PELI1: variants seen among roughly 807,000 people sequenced by gnomAD.
PELI1 encodes the protein pellino E3 ubiquitin protein ligase 1, also known as E3 ubiquitin-protein ligase pellino homolog 1.
A neutral mutation model predicts 41.3 loss-of-function variants in PELI1; 15 were observed. The observed-to-expected ratio is 0.36, with a 90% CI of 0.24 to 0.56. The LOEUF is 0.56. Ranked by LOEUF, PELI1 falls within the 20% of genes least tolerant of loss-of-function variation. The pLI is 0.82. For synonymous variants in PELI1, 178 were observed against 180.1 expected, an observed-to-expected ratio of 0.99 and a Z score of 0.09; for missense variants, 403 against 525.5, an observed-to-expected ratio of 0.77 and a Z score of 2.28.
intron 1 of PELI1, among the ~76,000 whole-genome samples, chr2:64,142,713 A>T (rs1356236966): frequency 6.6e-6 from 1 of 152,224 alleles, no homozygotes; most frequent in Non-Finnish European, 1.5e-5. Context: ...GTAAACTGAA[A>T]CAGAACTGAA....
intron 6 of PELI1, 45 bp downstream of exon 6, chr2:64,096,080 A>G (rs553403481): frequency 1.5e-6 from 2 of 1,309,472 alleles, no homozygotes; most frequent in African/African-American, 1.4e-5. Context: ...TACTCATCCT[A>G]TGTGTTTATT....
chr2:64,133,011 T>C (rs896806704), intron 1 of PELI1, among the ~76,000 whole-genome samples: 2 of 152,214 alleles, frequency 1.3e-5, no homozygotes, highest in Non-Finnish European at 2.9e-5. Context: ...TTTGCAAAGC[T>C]AGAACTCAGG....
At position 64,094,612 on chromosome 2, in the gene PELI1, G is replaced by A. The variant is rs1680163615; in HGVS notation, c.*90C>T. The A allele has an allele frequency of 1.2e-6, 1 of 802,774 alleles. No individual in the cohort carries two copies. Among genetic ancestry groups the A allele is most frequent in the Middle Eastern group, 2.6e-4 (1 of 3,906 alleles). 49.7% of individuals were successfully genotyped at this position (802,774 alleles called of 1,614,324 possible). A position where few individuals can be genotyped will look rare whatever the true frequency, so the allele number is the denominator to read the frequency against. ...CTTCATCTTAATGCAAATGACCAGA[G>A]CAGAAAAACTGTGACGTGGACAACA... On this transcript the variant is annotated 3_prime_UTR_variant, in exon 7 of 7. Transcript: ENST00000358912.
At chr2:64,134,616 G>C (rs1681658660) in intron 1 of PELI1, among the ~76,000 whole-genome samples, 1 of 152,048 alleles carries the variant, frequency 6.6e-6, no homozygotes, top group South Asian at 2.1e-4. Context: ...TGGATGTTTT[G>C]ATCCTTTGAT....
intron 1 of PELI1, among the ~76,000 whole-genome samples, chr2:64,127,461 T>C (rs555544761): frequency 1.1e-4 from 17 of 152,366 alleles, no homozygotes; most frequent in African/African-American, 4.1e-4. Flanking sequence ...ATCACAGTTA[T>C]GTTTTTCAAA....
Position 64,144,370 on chromosome 2 carries a change from G to A in PELI1, c.-359C>T. The A allele has an allele frequency of 6.6e-6, 1 of 152,284 alleles. No homozygotes were observed. Among genetic ancestry groups the A allele is most frequent in the Non-Finnish European group, 1.5e-5 (1 of 68,196 alleles). The allele number at this position is 152,284 out of a possible 1,614,324, so 9.4% of individuals were successfully genotyped here. A position where few individuals can be genotyped will look rare whatever the true frequency, so the allele number is the denominator to read the frequency against. On this transcript the variant is annotated 5_prime_UTR_variant, in exon 1 of 7. Coordinates refer to ENST00000358912, the MANE Select transcript of PELI1 (RefSeq NM_020651.4). ...GCTGCCGCTGCTGCTAGTGGAGGCG[G>A]CGGCGGCGCCCCCCGACGGTCCCTC...
intron 1 of PELI1, among the ~76,000 whole-genome samples, chr2:64,140,787 CA>C (rs377041268): frequency 1.7e-4 from 8 of 46,340 alleles, no homozygotes; most frequent in Admixed American, 2.8e-4. Flanking sequence ...AGACAACATG[CA>C]AAAAAAAAAA....
intron 1 of PELI1, among the ~76,000 whole-genome samples, chr2:64,130,510 A>C (rs1377333688): frequency 6.6e-6 from 1 of 152,186 alleles, no homozygotes; most frequent in Non-Finnish European, 1.5e-5. Flanking sequence ...TTTATCTGCA[A>C]TTCTTTTATG....
Position 64,135,058 on chromosome 2 carries a change from G to C in PELI1, c.-70+9023C>G, listed in dbSNP as rs544148967. Among the ~76,000 whole-genome samples, 107 of 152,138 alleles carry C rather than the reference G, an allele frequency of 7.0e-4. 2 individuals carry two copies. In the South Asian group the frequency reaches 0.022, roughly 31 times the overall value. On this transcript the variant is annotated intron_variant, in intron 1 of 6. Coordinates refer to ENST00000358912, the MANE Select transcript of PELI1 (RefSeq NM_020651.4). ...ACTGTCAAAGAGATGCTCAACAGAA[G>C]TACAGTTTTCCCCTAAGGTCATATA...
chr2:64,094,190 G>C lies in PELI1; in HGVS notation c.*512C>G, dbSNP rs1000038091. ...CCTAACTTTGCAAATCCTTGAGCTA[G>C]GTTGCTCACTAAGCTACCATTCACA... On this transcript the variant is annotated 3_prime_UTR_variant, in exon 7 of 7. Transcript: ENST00000358912. 6.5e-6 allele frequency: 1 copy of C among 152,790 alleles called. No individual in the cohort carries two copies. Among genetic ancestry groups the C allele is most frequent in the Non-Finnish European group, 1.5e-5 (1 of 68,228 alleles). 9.5% of individuals were successfully genotyped at this position (152,790 alleles called of 1,614,324 possible). A position where few individuals can be genotyped will look rare whatever the true frequency, so the allele number is the denominator to read the frequency against.
chr2:64,127,068 CTT>C (rs909304639), intron 1 of PELI1, among the ~76,000 whole-genome samples: 2 of 152,136 alleles, frequency 1.3e-5, no homozygotes, highest in Non-Finnish European at 2.9e-5. Flanking sequence ...AGAAAAATCT[CTT>C]TATACTCTTA....
chr2:64,106,321 T>C (rs1179441193), intron 2 of PELI1: 1 of 152,088 alleles, frequency 6.6e-6, no homozygotes, highest in East Asian at 1.9e-4. Context: ...AGAAGAAAAA[T>C]TATCTGCATT....
chr2:64,127,691 T>C (rs940797396), intron 1 of PELI1, among the ~76,000 whole-genome samples: 4 of 152,154 alleles, frequency 2.6e-5, no homozygotes, highest in Non-Finnish European at 4.4e-5. Flanking sequence ...ACTGTGACAA[T>C]TGCAATTTTG....
At chr2:64,096,344 C>A (rs544570233) in intron 5 of PELI1, 31 bp from the exon 6 acceptor site, 38 of 1,593,362 alleles carry the variant, frequency 2.4e-5, no homozygotes, top group Middle Eastern at 1.7e-4. Flanking sequence ...GAGCTTCCAA[C>A]TTGTAACTTG....
At chr2:64,097,163 G>A in intron 4 of PELI1, among the ~76,000 whole-genome samples, 1 of 152,136 alleles carries the variant, frequency 6.6e-6, no homozygotes, top group East Asian at 1.9e-4. Flanking sequence ...GAGGTCTTAT[G>A]TATACTTCAT....
chr2:64,117,641 A>G (rs1200924802), intron 1 of PELI1, among the ~76,000 whole-genome samples: 4 of 152,236 alleles, frequency 2.6e-5, no homozygotes, highest in Non-Finnish European at 4.4e-5. Context: ...CCAATATTGT[A>G]GTAAAGTCGA....
chr2:64,114,326 A>G (rs1435535516), intron 1 of PELI1, among the ~76,000 whole-genome samples: 1 of 152,178 alleles, frequency 6.6e-6, no homozygotes, highest in Non-Finnish European at 1.5e-5. Context: ...AATTCATAGC[A>G]GTTTCTTGAT....
At chr2:64,131,746 G>C (rs1429708034) in intron 1 of PELI1, among the ~76,000 whole-genome samples, 1 of 151,976 alleles carries the variant, frequency 6.6e-6, no homozygotes, top group Admixed American at 6.6e-5. Flanking sequence ...TCGGCCTCAG[G>C]AGTAGCTCAG....
At chr2:64,131,595 A>G (rs1329589854) in intron 1 of PELI1, among the ~76,000 whole-genome samples, 3 of 151,986 alleles carry the variant, frequency 2.0e-5, no homozygotes, top group African/African-American at 7.2e-5. Context: ...ACCGGCATGT[A>G]GAGAGTGAAA....
Sources: gnomAD v4.1 joint callset for allele counts (sites outside exome capture counted in the v4.1 genomes callset) on GRCh38, gnomAD v4.1.1 for gene constraint, MANE v1.5 for transcripts, NCBI Gene and HGNC (gene_info 2026-07-23, HGNC 2026-07-21) for gene names.